DLGAP1: variants seen among roughly 807,000 people sequenced by gnomAD.
DLGAP1 encodes disks large-associated protein 1.
A neutral mutation model predicts 90.8 loss-of-function variants in DLGAP1; 11 were observed. The observed-to-expected ratio is 0.12, with a 90% CI of 0.08 to 0.20. DLGAP1 has a LOEUF of 0.20. Among genes scored for constraint, DLGAP1 ranks in the 10% least tolerant of loss-of-function variants. The probability of loss-of-function intolerance (pLI) is 1.00; values close to 1 mark genes in which losing one functional copy is unlikely to be tolerated. For synonymous variants in DLGAP1, 558 were observed against 540.7 expected, an observed-to-expected ratio of 1.03 and a Z score of -0.44; for missense variants, 1,050 against 1,333.8, an observed-to-expected ratio of 0.79 and a Z score of 3.31.
intron 3 of DLGAP1, among the ~76,000 whole-genome samples, chr18:3,932,612 G>T (rs1034013464): frequency 2.6e-5 from 4 of 152,150 alleles, no homozygotes; most frequent in Admixed American, 2.0e-4. Flanking sequence ...GGGCAGCAAG[G>T]ACAGGGCTAC....
At chr18:3,886,742 C>T (rs1395382274) in intron 3 of DLGAP1, among the ~76,000 whole-genome samples, 1 of 152,218 alleles carries the variant, frequency 6.6e-6, no homozygotes, top group Non-Finnish European at 1.5e-5. Flanking sequence ...TTGAAAAGTA[C>T]AAGCAGCCCT....
At chr18:4,344,936 C>T (rs373447321) in intron 1 of DLGAP1, among the ~76,000 whole-genome samples, 1 of 152,290 alleles carries the variant, frequency 6.6e-6, no homozygotes, top group East Asian at 1.9e-4. Context: ...GATAAATGTG[C>T]ATTTCAAGAG....
At position 3,756,201 on chromosome 18, in the gene DLGAP1, C is replaced by T. The variant is rs2063712912; in HGVS notation, c.1173-13689G>A. 2.0e-5 allele frequency among the ~76,000 whole-genome samples: 3 copies of T among 152,058 alleles called. No individual in the cohort carries two copies. In the South Asian group the frequency reaches 6.2e-4, roughly 32 times the overall value. On this transcript the variant is annotated intron_variant, in intron 5 of 12. Transcript: ENST00000315677. ...AGTAGCTGGGACTACAGGTGCCCAC[C>T]ACGATGCCCGGCTAATCTTTTGTAT...
At chr18:3,597,990 C>G (rs1237663748) in intron 7 of DLGAP1, 1 of 152,252 alleles carries the variant, frequency 6.6e-6, no homozygotes, top group Non-Finnish European at 1.5e-5. Context: ...TTTACATCAG[C>G]CCACTTGGCC....
intron 2 of DLGAP1, among the ~76,000 whole-genome samples, chr18:4,130,988 T>TAAATATG (rs558639462): frequency 5.9e-5 from 9 of 152,082 alleles, no homozygotes; most frequent in Non-Finnish European, 1.2e-4. Flanking sequence ...TGCATATAAT[T>TAAATATG]GTATTAAAAA....
chr18:4,311,061 A>C (rs1011607664), intron 1 of DLGAP1, among the ~76,000 whole-genome samples: 1 of 152,162 alleles, frequency 6.6e-6, no homozygotes, highest in Non-Finnish European at 1.5e-5. Flanking sequence ...TTCAAAGCCT[A>C]GGTCTAAAGA....
intron 7 of DLGAP1, among the ~76,000 whole-genome samples, chr18:3,619,742 C>CTTTTTTT (rs10625913): frequency 1.8e-5 from 2 of 112,420 alleles, no homozygotes; most frequent in Admixed American, 1.0e-4. Flanking sequence ...TAGTTTTTTC[C>CTTTTTTT]TTTTTTTTTT....
intron 5 of DLGAP1, among the ~76,000 whole-genome samples, chr18:3,793,629 C>T (rs1419086837): frequency 6.6e-6 from 1 of 152,052 alleles, no homozygotes; most frequent in African/African-American, 2.4e-5. Flanking sequence ...TGCTGTCTGG[C>T]TCCCTTCCCT....
At chr18:3,518,977 C>A (rs2051008285) in intron 10 of DLGAP1, among the ~76,000 whole-genome samples, 2 of 152,058 alleles carry the variant, frequency 1.3e-5, no homozygotes, top group Admixed American at 1.3e-4. Flanking sequence ...TGAATAATTT[C>A]TTTTTTTATG....
In DLGAP1 at chr18:4,454,630, G is replaced by A. The variant is rs2083925752; in HGVS notation, c.-267+376C>T. On this transcript the variant is annotated intron_variant, in intron 1 of 12. Transcript: ENST00000315677. The surrounding 1 kb of genome is among the most constrained non-coding windows in gnomAD (Gnocchi z 4.7). ...GGTGCATCGGGGGTGGGGTGGGGGT[G>A]CGAATTTGACCGGTGGACATGACCG... 1.3e-5 allele frequency among the ~76,000 whole-genome samples: 2 copies of A among 152,018 alleles called. No individual in the cohort carries two copies. Among genetic ancestry groups the A allele is most frequent in the South Asian group, 4.1e-4 (2 of 4,826 alleles).
chr18:3,893,242 G>A (rs561118301), intron 3 of DLGAP1, among the ~76,000 whole-genome samples: 3 of 151,992 alleles, frequency 2.0e-5, no homozygotes, highest in Non-Finnish European at 4.4e-5. Flanking sequence ...TCATTTTTAT[G>A]GCTAAGCAGT....
intron 5 of DLGAP1, among the ~76,000 whole-genome samples, chr18:3,789,771 T>TG (rs2148211885): frequency 6.6e-6 from 1 of 152,048 alleles, no homozygotes; most frequent in African/African-American, 2.4e-5. Context: ...AGGACATGAG[T>TG]GAGGTTAAGA....
chr18:4,303,639 C>T (rs1278341703), intron 1 of DLGAP1, among the ~76,000 whole-genome samples: 2 of 152,196 alleles, frequency 1.3e-5, no homozygotes, highest in Non-Finnish European at 2.9e-5. Context: ...GCTGGGACTC[C>T]TCCCTAACTC....
chr18:4,445,539 T>C (rs1598433751), intron 1 of DLGAP1, among the ~76,000 whole-genome samples: 2 of 145,712 alleles, frequency 1.4e-5, no homozygotes, highest in African/African-American at 5.1e-5. Flanking sequence ...TGAGTGAGAA[T>C]ATGCGGTGTT....
At chr18:3,700,667 T>C (rs995945931) in intron 7 of DLGAP1, among the ~76,000 whole-genome samples, 29 of 152,258 alleles carry the variant, frequency 1.9e-4, no homozygotes, top group African/African-American at 6.7e-4. Flanking sequence ...TGGAGTGCAG[T>C]GGTGTGATCT....
chr18:3,797,473 C>A (rs1217208427), intron 5 of DLGAP1, among the ~76,000 whole-genome samples: 1 of 152,126 alleles, frequency 6.6e-6, no homozygotes, highest in East Asian at 1.9e-4. Flanking sequence ...AAACTTCCAG[C>A]CTCTAGAAAA....
At chr18:3,548,956 G>A (rs1243637909) in intron 9 of DLGAP1, among the ~76,000 whole-genome samples, 1 of 152,110 alleles carries the variant, frequency 6.6e-6, no homozygotes, top group Non-Finnish European at 1.5e-5. Context: ...GGAATTGCTT[G>A]AACCTGGGAG....
intron 7 of DLGAP1, among the ~76,000 whole-genome samples, chr18:3,712,758 G>A (rs1442275289): frequency 2.6e-5 from 4 of 152,176 alleles, no homozygotes; most frequent in Non-Finnish European, 4.4e-5. Flanking sequence ...AAATGAAGGA[G>A]GCAATCACAA....
chr18:3,646,226 T>C (rs901389756), intron 7 of DLGAP1, among the ~76,000 whole-genome samples: 3 of 151,980 alleles, frequency 2.0e-5, no homozygotes, highest in Non-Finnish European at 4.4e-5. Context: ...TGAGACCTCA[T>C]CTCTACAAAA....
Sources: gnomAD v4.1 joint callset for allele counts (sites outside exome capture counted in the v4.1 genomes callset) on GRCh38, gnomAD v4.1.1 for gene constraint, Gnocchi (gnomAD v3.1) non-coding constraint, MANE v1.5 for transcripts, NCBI Gene and HGNC (gene_info 2026-07-23, HGNC 2026-07-21) for gene names.